UBE2E2: variants seen among roughly 807,000 people sequenced by gnomAD.
UBE2E2 encodes ubiquitin conjugating enzyme E2 E2.
In UBE2E2, 6 loss-of-function variants were observed where a neutral mutation model predicts 24.7. That is an observed-to-expected ratio of 0.24 (90% confidence interval 0.13 to 0.48). The LOEUF (loss-of-function observed/expected upper bound fraction) is 0.48. Ranked by LOEUF, UBE2E2 falls within the 20% of genes least tolerant of loss-of-function variation. The pLI is 0.99. For missense variants in UBE2E2, 169 were observed against 245.0 expected (o/e 0.69, Z 2.07); for synonymous variants, 104 against 83.6 (o/e 1.24, Z -1.33).
intron 3 of UBE2E2, among the ~76,000 whole-genome samples, chr3:23,332,117 G>GTATAT (rs200747767): frequency 0.03 from 4,526 of 152,128 alleles, 114 homozygotes; most frequent in East Asian, 0.13. Context: ...TGTATATTTT[G>GTATAT]TATATTCAGT....
At chr3:23,222,044 T>A (rs1001550707) in intron 3 of UBE2E2, among the ~76,000 whole-genome samples, 1 of 151,164 alleles carries the variant, frequency 6.6e-6, no homozygotes, top group Non-Finnish European at 1.5e-5. Context: ...ACCAGTCTAC[T>A]CTCTATTTTT....
intron 3 of UBE2E2, among the ~76,000 whole-genome samples, chr3:23,354,939 T>C (rs1398685775): frequency 1.3e-5 from 2 of 152,032 alleles, no homozygotes; most frequent in African/African-American, 2.4e-5. Context: ...CGTATGTTTA[T>C]TGCGGCACTA....
intron 3 of UBE2E2, among the ~76,000 whole-genome samples, chr3:23,317,807 A>G (rs1427598024): frequency 6.6e-6 from 1 of 152,064 alleles, no homozygotes; most frequent in East Asian, 1.9e-4. Flanking sequence ...GGGTGGGGAC[A>G]CAGCCAAACC....
At chr3:23,300,873 G>C (rs1207229458) in intron 3 of UBE2E2, among the ~76,000 whole-genome samples, 1 of 152,180 alleles carries the variant, frequency 6.6e-6, no homozygotes, top group African/African-American at 2.4e-5. Context: ...ATATCCTGTA[G>C]AGTGTTTTCC....
intron 3 of UBE2E2, among the ~76,000 whole-genome samples, chr3:23,383,879 T>C (rs1171108979): frequency 6.6e-6 from 1 of 151,362 alleles, no homozygotes; most frequent in African/African-American, 2.4e-5. Flanking sequence ...ATCAATGAAA[T>C]GCATTATTTC....
chr3:23,508,372 C>G (rs1246591913), intron 4 of UBE2E2, among the ~76,000 whole-genome samples: 1 of 152,184 alleles, frequency 6.6e-6, no homozygotes, highest in Non-Finnish European at 1.5e-5. Context: ...TTAAATATGC[C>G]TATAAGCTAA....
chr3:23,579,014 G>T (rs1301759155), intron 5 of UBE2E2, among the ~76,000 whole-genome samples: 1 of 152,154 alleles, frequency 6.6e-6, no homozygotes, highest in Non-Finnish European at 1.5e-5. Context: ...ATGAAGAGTT[G>T]AATGTTGTTT....
intron 3 of UBE2E2, among the ~76,000 whole-genome samples, chr3:23,223,753 G>A (rs1696732910): frequency 6.6e-6 from 1 of 152,036 alleles, no homozygotes; most frequent in African/African-American, 2.4e-5. Flanking sequence ...TCTTTGCCCA[G>A]ACCATTGTGC....
intron 5 of UBE2E2, chr3:23,534,329 GTTT>G: frequency 1.1e-5 from 7 of 629,118 alleles, no homozygotes; most frequent in African/African-American, 2.1e-5. Context: ...CAGTGAACTA[GTTT>G]TTTTTTTTTG....
intron 3 of UBE2E2, among the ~76,000 whole-genome samples, chr3:23,375,774 C>A (rs900109533): frequency 6.6e-6 from 1 of 152,138 alleles, no homozygotes; most frequent in Non-Finnish European, 1.5e-5. Context: ...CTAGACACTA[C>A]AAAATTTTTT....
At chr3:23,403,808 CAAA>C (rs375422962) in intron 3 of UBE2E2, among the ~76,000 whole-genome samples, 8 of 82,170 alleles carry the variant, frequency 9.7e-5, no homozygotes, top group East Asian at 3.7e-4. Flanking sequence ...ATTCCGTCTC[CAAA>C]AAAAAAAAAA....
chr3:23,264,761 A>G (rs1043409558), intron 3 of UBE2E2, among the ~76,000 whole-genome samples: 1 of 152,324 alleles, frequency 6.6e-6, no homozygotes, highest in East Asian at 1.9e-4. Context: ...TGAGCAGATA[A>G]TATATTTAAG....
At chr3:23,554,205 A>G (rs1451288363) in intron 5 of UBE2E2, among the ~76,000 whole-genome samples, 2 of 152,224 alleles carry the variant, frequency 1.3e-5, no homozygotes, top group African/African-American at 4.8e-5. Context: ...AAACAGACAC[A>G]TAGACCATTG....
Position 23,591,189 on chromosome 3 carries a change from G to T in UBE2E2, c.*1358G>T, listed in dbSNP as rs552485844. 1.3e-5 allele frequency: 2 copies of T among 152,108 alleles called. No individual in the cohort carries two copies. Among genetic ancestry groups the T allele is most frequent in the African/African-American group, 4.8e-5 (2 of 41,410 alleles). The allele number at this position is 152,108 out of a possible 1,614,324, so 9.4% of individuals were successfully genotyped here. A position where few individuals can be genotyped will look rare whatever the true frequency, so the allele number is the denominator to read the frequency against. On this transcript the variant is annotated 3_prime_UTR_variant, in exon 6 of 6. Transcript: ENST00000396703. ...CTGACTTGCTGATTGATAATTCAGGGTTATTAGTGTAACAAAGCGTAGTGG... is the reference window on the plus strand; with the variant it reads ...CTGACTTGCTGATTGATAATTCAGGTTTATTAGTGTAACAAAGCGTAGTGG...
chr3:23,221,617 A>G (rs1696645150), intron 3 of UBE2E2, among the ~76,000 whole-genome samples: 1 of 151,678 alleles, frequency 6.6e-6, no homozygotes, highest in Non-Finnish European at 1.5e-5. Context: ...AGGTTCATCC[A>G]TGTTGCTGCA....
rs58129459 is a variant in UBE2E2 at position 23,223,025 on chromosome 3, CTT to C, written c.227+5727_227+5728del. Among the ~76,000 whole-genome samples, 471 of 60,240 alleles carry C rather than the reference CTT, an allele frequency of 7.8e-3. 15 individuals are homozygous for C. Among genetic ancestry groups the C allele is most frequent in the African/African-American group, 0.028 (405 of 14,400 alleles). 39.5% of individuals were successfully genotyped at this position (60,240 alleles called of 152,430 possible). On this transcript the variant is annotated intron_variant, in intron 3 of 5. Transcript: ENST00000396703. The stretch of plus-strand genomic sequence containing the variant: ...TGTTTACATCTTTTGCCCCCCCCCC[CTT>C]TTTTTTTTTTTTTGAGTTGTCTCTC...
intron 3 of UBE2E2, among the ~76,000 whole-genome samples, chr3:23,221,184 A>T (rs1445810413): frequency 6.6e-6 from 1 of 152,218 alleles, no homozygotes; most frequent in Non-Finnish European, 1.5e-5. Context: ...AGGAGGAAGT[A>T]AACCAAAAAA....
At chr3:23,277,068 G>T (rs968998547) in intron 3 of UBE2E2, among the ~76,000 whole-genome samples, 3 of 152,046 alleles carry the variant, frequency 2.0e-5, no homozygotes, top group African/African-American at 7.2e-5. Flanking sequence ...TCATGTATGC[G>T]TTCTTAATAA....
intron 3 of UBE2E2, among the ~76,000 whole-genome samples, chr3:23,219,109 G>T (rs943494611): frequency 2.0e-5 from 3 of 152,174 alleles, no homozygotes; most frequent in African/African-American, 7.2e-5. Context: ...GTGGGCTGAG[G>T]ATTGGATAGC....
Sources: gnomAD v4.1 joint callset for allele counts (sites outside exome capture counted in the v4.1 genomes callset) on GRCh38, gnomAD v4.1.1 for gene constraint, MANE v1.5 for transcripts, NCBI Gene and HGNC (gene_info 2026-07-23, HGNC 2026-07-21) for gene names.